Variants in PLCH1 observed in about 807,000 individuals in gnomAD.
PLCH1 encodes the protein 1-phosphatidylinositol 4,5-bisphosphate phosphodiesterase eta-1.
In PLCH1, 60 loss-of-function variants were observed where a neutral mutation model predicts 126.7. The observed-to-expected ratio is 0.47, with a 90% CI of 0.38 to 0.59. The LOEUF (loss-of-function observed/expected upper bound fraction) is 0.59. Ranked by LOEUF, PLCH1 falls within the 20% of genes least tolerant of loss-of-function variation. The pLI is 0.00. For missense variants in PLCH1, 1,723 were observed against 2,040.0 expected (o/e 0.84, Z 2.99); for synonymous variants, 719 against 734.9 (o/e 0.98, Z 0.35).
chr3:155,544,315 C>T (rs373471569), intron 10 of PLCH1, among the ~76,000 whole-genome samples: 12 of 152,050 alleles, frequency 7.9e-5, no homozygotes, highest in Admixed American at 7.2e-4. Context: ...GGTAAAGGGA[C>T]CAATTCAACA....
intron 1 of PLCH1, among the ~76,000 whole-genome samples, chr3:155,710,028 C>T (rs1313422994): frequency 6.6e-6 from 1 of 152,216 alleles, no homozygotes; most frequent in Non-Finnish European, 1.5e-5. Context: ...CACTCCGTCA[C>T]CCAGGCTGGG....
intron 3 of PLCH1, 73 bp from the exon 4 acceptor site, chr3:155,594,257 A>T: frequency 7.3e-7 from 1 of 1,378,562 alleles, no homozygotes; most frequent in Non-Finnish European, 1.0e-6. Context: ...AAGAAACAAG[A>T]AAAGCAAAAT....
chr3:155,572,243 GT>G, intron 6 of PLCH1, among the ~76,000 whole-genome samples: 1 of 152,214 alleles, frequency 6.6e-6, no homozygotes, highest in Admixed American at 6.5e-5. Flanking sequence ...TCCCTCATGT[GT>G]TTTTGTGTGT....
At chr3:155,583,941 T>C (rs1731042272) in intron 5 of PLCH1, among the ~76,000 whole-genome samples, 3 of 145,742 alleles carry the variant, frequency 2.1e-5, no homozygotes, top group Admixed American at 6.8e-5. Flanking sequence ...GTAGAAACAA[T>C]ACAATTCTAG....
intron 1 of PLCH1, among the ~76,000 whole-genome samples, chr3:155,706,804 A>G (rs753337766): frequency 3.9e-5 from 6 of 152,074 alleles, no homozygotes; most frequent in Non-Finnish European, 4.4e-5. Flanking sequence ...CTGGTTCCCT[A>G]TCTCTCAAGA....
intron 2 of PLCH1, among the ~76,000 whole-genome samples, chr3:155,699,032 T>C (rs978297907): frequency 6.6e-6 from 1 of 151,898 alleles, no homozygotes; most frequent in African/African-American, 2.4e-5. Flanking sequence ...CTTTGAAATT[T>C]TTCCCTGGTC....
chr3:155,525,993 G>A (rs1275989962), intron 10 of PLCH1, among the ~76,000 whole-genome samples: 1 of 152,174 alleles, frequency 6.6e-6, no homozygotes, highest in African/African-American at 2.4e-5. Context: ...GTAAGGCCCA[G>A]GGGTCTGAGA....
intron 13 of PLCH1, among the ~76,000 whole-genome samples, chr3:155,502,949 G>A (rs768993081): frequency 1.3e-5 from 2 of 152,214 alleles, no homozygotes; most frequent in Non-Finnish European, 2.9e-5. Flanking sequence ...CCTTAAAGTA[G>A]AAGAAATGGC....
At position 155,491,734 on chromosome 3, in the gene PLCH1, A is replaced by G. The variant is rs115907571; in HGVS notation, c.2308-866T>C. Among the ~76,000 whole-genome samples, 717 of 152,298 alleles carry G rather than the reference A, an allele frequency of 4.7e-3. 2 individuals are homozygous for G. The highest frequency in any genetic ancestry group is 0.016 in the African/African-American group (674 of 41,554). ...GCTGTGATAGGGGTTGGTGTTTGCT[A>G]TGAGAGGCAGTGGGGAGGGTAGATA... On this transcript the variant is annotated intron_variant, in intron 18 of 22. Transcript: ENST00000460012.
chr3:155,610,135 G>T (rs1038845510), intron 2 of PLCH1, among the ~76,000 whole-genome samples: 1 of 151,844 alleles, frequency 6.6e-6, no homozygotes, highest in African/African-American at 2.4e-5. Context: ...CAAGGCGGGC[G>T]GATCACCTGA....
Position 155,480,802 on chromosome 3 carries a change from A to G in PLCH1, c.*166T>C, listed in dbSNP as rs528971839. ...GTACATGGGAAATGTCACCAAATCT[A>G]TATACAAACGCATTAACAGGGAGAA... On this transcript the variant is annotated 3_prime_UTR_variant, in exon 23 of 23. Transcript: ENST00000460012. 2.0e-4 allele frequency: 124 copies of G among 618,582 alleles called. No individual in the cohort carries two copies. The African/African-American group carries it at 2.0e-3, about 10-fold the overall frequency. 38.3% of individuals were successfully genotyped at this position (618,582 alleles called of 1,614,324 possible).
At chr3:155,490,556 C>T (rs376767747) in intron 19 of PLCH1, among the ~76,000 whole-genome samples, 8 of 152,242 alleles carry the variant, frequency 5.3e-5, no homozygotes, top group African/African-American at 1.9e-4. Context: ...AAAAAAATTT[C>T]CTTTAAAAGC....
At chr3:155,621,524 G>A (rs1736494764) in intron 2 of PLCH1, among the ~76,000 whole-genome samples, 2 of 152,216 alleles carry the variant, frequency 1.3e-5, no homozygotes, top group African/African-American at 4.8e-5. Flanking sequence ...AAAAAGGTTA[G>A]ACGAATTGCT....
Position 155,481,195 on chromosome 3 carries a change from G to A in PLCH1, c.4831C>T (p.Pro1611Ser). 6.2e-7 allele frequency: 1 copy of A among 1,614,224 alleles called. No individual in the cohort carries two copies. The highest frequency in any genetic ancestry group is 1.1e-5 in the South Asian group (1 of 91,084). ...NGAGVVLRNK[P>S]SAPTPAVNRH... is the part of the protein sequence containing the mutation. Reference sequence around the variant, plus strand: ...TTCACTGCAGGGGTGGGTGCTGAGGGTTTGTTTCTAAGAACCACTCCTGCC... The same window carrying A: ...TTCACTGCAGGGGTGGGTGCTGAGGATTTGTTTCTAAGAACCACTCCTGCC... The change falls in exon 23 of 23, where the codon CCC becomes TCC. Residue 1611 changes from proline (P) to serine (S), a missense_variant. This residue lies in a region of PLCH1 where 947 missense variants were observed against 977.1 expected (regional missense o/e 0.97). Transcript: ENST00000460012. The surrounding 1 kb of genome is among the most constrained non-coding windows in gnomAD (Gnocchi z 4.2).
At chr3:155,715,606 CT>C (rs763813354) in intron 1 of PLCH1, among the ~76,000 whole-genome samples, 5,074 of 122,726 alleles carry the variant, frequency 0.041, 106 homozygotes, top group Middle Eastern at 0.071. Context: ...CATCTGGCCT[CT>C]TTTTTTTTTT....
At chr3:155,632,621 T>A (rs1015767174) in intron 2 of PLCH1, among the ~76,000 whole-genome samples, 9 of 152,308 alleles carry the variant, frequency 5.9e-5, no homozygotes, top group Middle Eastern at 6.8e-3. Context: ...AAAAAATTGT[T>A]AAGAGCTCTG....
At chr3:155,627,165 T>A (rs1418986898) in intron 2 of PLCH1, among the ~76,000 whole-genome samples, 2 of 152,210 alleles carry the variant, frequency 1.3e-5, no homozygotes, top group Non-Finnish European at 2.9e-5. Flanking sequence ...GTTATTTGAA[T>A]CAACTTGGCA....
chr3:155,469,675 T>A (rs570854830), intron 21 of PLCH1, among the ~76,000 whole-genome samples: 109 of 151,986 alleles, frequency 7.2e-4, no homozygotes, highest in African/African-American at 2.1e-3. Flanking sequence ...TAAATGTCCC[T>A]GTCTGACAGC....
chr3:155,491,634 A>C (rs1716219461), intron 18 of PLCH1, among the ~76,000 whole-genome samples: 1 of 152,236 alleles, frequency 6.6e-6, no homozygotes, highest in Non-Finnish European at 1.5e-5. Context: ...CATAACGTTG[A>C]GCAAGCCAGA....
Sources: allele counts gnomAD v4.1 joint callset (sites outside exome capture counted in the v4.1 genomes callset), GRCh38; gene constraint gnomAD v4.1.1; regional missense constraint gnomAD v4.1.1; non-coding constraint Gnocchi (gnomAD v3.1); transcripts MANE v1.5; gene names NCBI Gene and HGNC (gene_info 2026-07-23, HGNC 2026-07-21).